The following RBMS1 variants were observed in gnomAD, a reference collection of about 807,000 sequenced individuals.
The protein encoded by RBMS1 is RNA-binding motif, single-stranded-interacting protein 1.
In RBMS1, 17 loss-of-function variants were observed where a neutral mutation model predicts 62.3. The observed-to-expected ratio is 0.27, with a 90% CI of 0.19 to 0.41. The LOEUF (loss-of-function observed/expected upper bound fraction) is 0.41, where lower values mean the gene tolerates loss of function less well. Among genes scored for constraint, RBMS1 ranks in the 10% least tolerant of loss-of-function variants. The pLI is 1.00. For synonymous variants in RBMS1, 172 were observed against 170.0 expected, an observed-to-expected ratio of 1.01 and a Z score of -0.09; for missense variants, 334 against 504.5, an observed-to-expected ratio of 0.66 and a Z score of 3.24.
At chr2:160,283,487 GA>G (rs1688205641) in intron 9 of RBMS1, 1 of 152,160 alleles carries the variant, frequency 6.6e-6, no homozygotes, top group African/African-American at 2.4e-5. Context: ...AAAAAGAAAA[GA>G]AAACGAGTGA....
chr2:160,483,562 T>C (rs1218579758), intron 1 of RBMS1, among the ~76,000 whole-genome samples: 1 of 152,190 alleles, frequency 6.6e-6, no homozygotes, highest in Non-Finnish European at 1.5e-5. Flanking sequence ...AATCATAATC[T>C]ACAGCATTAA....
At chr2:160,348,820 T>C (rs1340286924) in intron 2 of RBMS1, among the ~76,000 whole-genome samples, 8 of 152,170 alleles carry the variant, frequency 5.3e-5, no homozygotes, top group Admixed American at 6.6e-5. Context: ...TGACGATTCA[T>C]ATAAGACATA....
intron 3 of RBMS1, among the ~76,000 whole-genome samples, chr2:160,315,115 T>C (rs1033418089): frequency 6.6e-6 from 1 of 152,230 alleles, no homozygotes; most frequent in African/African-American, 2.4e-5. Context: ...CAGGTAATAT[T>C]TGCATTCTGT....
intron 2 of RBMS1, among the ~76,000 whole-genome samples, chr2:160,355,733 TC>T (rs1165939429): frequency 6.6e-6 from 1 of 152,088 alleles, no homozygotes; most frequent in East Asian, 1.9e-4. Context: ...TCCTGAAGAT[TC>T]ATTCAAATGC....
At position 160,439,234 on chromosome 2, in the gene RBMS1, C is replaced by G. The variant is rs368505934; in HGVS notation, c.75+54055G>C. On this transcript the variant is annotated intron_variant, in intron 1 of 13. Coordinates refer to ENST00000348849, the MANE Select transcript of RBMS1 (RefSeq NM_016836.4). Reference sequence around the variant, plus strand: ...CCTCTCGGACGAGGTGGCTGCCGGACGGAGACGCTCCTCACTTCCCAGACG... The same window carrying G: ...CCTCTCGGACGAGGTGGCTGCCGGAGGGAGACGCTCCTCACTTCCCAGACG... Among the ~76,000 whole-genome samples, 220 of 151,858 alleles carry G rather than the reference C, an allele frequency of 1.4e-3. 7 individuals carry two copies. In the South Asian group the frequency reaches 0.043, roughly 30 times the overall value.
intron 1 of RBMS1, among the ~76,000 whole-genome samples, chr2:160,393,839 G>A (rs1694996030): frequency 6.6e-6 from 1 of 151,934 alleles, no homozygotes. Context: ...AAGCTTCACT[G>A]GCAGTCAGGA....
chr2:160,469,647 T>A (rs1382899446), intron 1 of RBMS1, among the ~76,000 whole-genome samples: 1 of 152,238 alleles, frequency 6.6e-6, no homozygotes, highest in Non-Finnish European at 1.5e-5. Flanking sequence ...ACCTTCTGTT[T>A]CCTCTCAGGA....
At chr2:160,457,424 G>A (rs749476182) in intron 1 of RBMS1, among the ~76,000 whole-genome samples, 3 of 151,984 alleles carry the variant, frequency 2.0e-5, no homozygotes, top group Admixed American at 6.6e-5. Context: ...GCCACCGCGC[G>A]GTATCCTCAT....
At chr2:160,318,138 A>G (rs1690327952) in intron 3 of RBMS1, 31 bp downstream of exon 3, 2 of 1,582,660 alleles carry the variant, frequency 1.3e-6, no homozygotes, top group South Asian at 1.2e-5. Context: ...TAAAGCTATC[A>G]TTTACCAAAT....
chr2:160,359,028 G>C (rs569824974), intron 2 of RBMS1, among the ~76,000 whole-genome samples: 1 of 152,204 alleles, frequency 6.6e-6, no homozygotes, highest in African/African-American at 2.4e-5. Flanking sequence ...CTGAGATGTA[G>C]TAGCTACCAA....
chr2:160,393,724 C>G (rs551457543), intron 1 of RBMS1, among the ~76,000 whole-genome samples: 30 of 150,364 alleles, frequency 2.0e-4, no homozygotes, highest in Admixed American at 1.7e-3. Context: ...CTGTGATGAG[C>G]TGAGATCACG....
chr2:160,373,072 T>C (rs1473720463), intron 1 of RBMS1, among the ~76,000 whole-genome samples: 1 of 152,142 alleles, frequency 6.6e-6, no homozygotes, highest in Admixed American at 6.5e-5. Flanking sequence ...GTTCCTTGTT[T>C]GGAAAAAAAC....
intron 1 of RBMS1, among the ~76,000 whole-genome samples, chr2:160,421,394 G>A (rs1183887205): frequency 5.3e-5 from 8 of 151,912 alleles, no homozygotes; most frequent in South Asian, 2.1e-4. Flanking sequence ...GAGAACATGC[G>A]GTGTTTGGTT....
At chr2:160,383,879 T>C (rs188302502) in intron 1 of RBMS1, among the ~76,000 whole-genome samples, 214 of 152,316 alleles carry the variant, frequency 1.4e-3, no homozygotes, top group Non-Finnish European at 2.1e-3. Flanking sequence ...CTTTAAGGCA[T>C]AGAGATTGGG....
intron 5 of RBMS1, among the ~76,000 whole-genome samples, chr2:160,302,183 GC>G (rs1189251091): frequency 1.3e-5 from 2 of 151,072 alleles, no homozygotes; most frequent in Non-Finnish European, 2.9e-5. Flanking sequence ...GGGCACTTTA[GC>G]TATAACTAGA....
Position 160,324,227 on chromosome 2 carries a change from A to G in RBMS1, c.252-6000T>C, listed in dbSNP as rs190353120. Among the ~76,000 whole-genome samples, 23 of 152,204 alleles carry G rather than the reference A, an allele frequency of 1.5e-4. No individual in the cohort carries two copies. The East Asian group carries it at 3.7e-3, about 24-fold the overall frequency. ...TCCACTGGCACGTACAAATGTATAA[A>G]CGTATGTGTGTGCGTGCAAGCATGC... is the stretch of plus-strand genomic sequence containing the variant. On this transcript the variant is annotated intron_variant, in intron 2 of 13. Transcript: ENST00000348849.
intron 1 of RBMS1, among the ~76,000 whole-genome samples, chr2:160,437,468 C>T (rs917278587): frequency 1.3e-5 from 2 of 152,222 alleles, no homozygotes; most frequent in African/African-American, 4.8e-5. Context: ...GAAATGTCAA[C>T]ACTCCAATCA....
At chr2:160,321,496 T>C (rs79978648) in intron 2 of RBMS1, among the ~76,000 whole-genome samples, 10,528 of 152,270 alleles carry the variant, frequency 0.069, 558 homozygotes, top group Non-Finnish European at 0.11. Flanking sequence ...ATGTGTTTTT[T>C]TTAAAACTCA....
intron 1 of RBMS1, among the ~76,000 whole-genome samples, chr2:160,384,128 C>T (rs908361939): frequency 5.3e-5 from 8 of 152,248 alleles, no homozygotes; most frequent in South Asian, 2.1e-4. Context: ...ACCTGGGAGG[C>T]GGAGCTTGCA....
Sources: gnomAD v4.1 joint callset for allele counts (sites outside exome capture counted in the v4.1 genomes callset) on GRCh38, gnomAD v4.1.1 for gene constraint, MANE v1.5 for transcripts, NCBI Gene and HGNC (gene_info 2026-07-23, HGNC 2026-07-21) for gene names.